CRB1: variants seen among roughly 807,000 people sequenced by gnomAD.
CRB1 encodes the protein crumbs cell polarity complex component 1.
Under a neutral mutation model 120.0 loss-of-function variants are expected in CRB1, and 83 were observed. That is an observed-to-expected ratio of 0.69 (90% confidence interval 0.58 to 0.83). CRB1 has a LOEUF of 0.83. Ranked by LOEUF, CRB1 falls within the 40% of genes least tolerant of loss-of-function variation. The pLI, the probability that CRB1 is intolerant of heterozygous loss-of-function variation, is 0.00. For synonymous variants in CRB1, 625 were observed against 612.5 expected (o/e 1.02, Z -0.30); for missense variants, 1,699 against 1,687.6 (o/e 1.01, Z -0.12).
At chr1:197,355,851 G>A (rs1386330848) in intron 4 of CRB1, among the ~76,000 whole-genome samples, 4 of 152,234 alleles carry the variant, frequency 2.6e-5, no homozygotes, top group African/African-American at 7.2e-5. Flanking sequence ...ACAATGCAAC[G>A]GTGGGCTGAA....
At chr1:197,237,290 G>T in the CRB1 span, among the ~76,000 whole-genome samples, 2 of 152,122 alleles carry the variant, frequency 1.3e-5, no homozygotes, top group Non-Finnish European at 2.9e-5. Context: ...ATAAACAATA[G>T]AAATTTATTT....
At chr1:197,374,109 T>G (rs1439207477) in intron 5 of CRB1, among the ~76,000 whole-genome samples, 1 of 152,140 alleles carries the variant, frequency 6.6e-6, no homozygotes, top group Non-Finnish European at 1.5e-5. Flanking sequence ...TAGAAACATA[T>G]AGTCCTTTGC....
intron 3 of CRB1, 36 bp downstream of exon 3, chr1:197,344,512 A>C: frequency 6.3e-7 from 1 of 1,583,322 alleles, no homozygotes. Flanking sequence ...TTGGCTTAGA[A>C]CTCCCTGACC....
At chr1:197,211,336 A>G in the CRB1 span, among the ~76,000 whole-genome samples, 1 of 152,228 alleles carries the variant, frequency 6.6e-6, no homozygotes, top group African/African-American at 2.4e-5. Context: ...ATAATTGAAG[A>G]AATGTGCTTC....
intron 10 of CRB1, chr1:197,440,436 C>T (rs1665377380): frequency 6.6e-6 from 1 of 152,152 alleles, no homozygotes; most frequent in Admixed American, 6.6e-5. Context: ...TTACATGATG[C>T]TAGATATTTC....
intron 11 of CRB1, among the ~76,000 whole-genome samples, chr1:197,459,521 C>A (rs1162110819): frequency 2.0e-5 from 3 of 152,052 alleles, no homozygotes; most frequent in Non-Finnish European, 4.4e-5. Context: ...CCTCACATGA[C>A]AAAGGAACAA....
intron 5 of CRB1, among the ~76,000 whole-genome samples, chr1:197,365,502 G>A (rs147650539): frequency 3.9e-5 from 6 of 152,004 alleles, no homozygotes; most frequent in African/African-American, 7.3e-5. Context: ...CTCTGGGGAG[G>A]GGGGGAGAAG....
chr1:197,236,631 TAA>T, the CRB1 span, among the ~76,000 whole-genome samples: 1 of 152,210 alleles, frequency 6.6e-6, no homozygotes, highest in Non-Finnish European at 1.5e-5. Flanking sequence ...CTTTCACCAT[TAA>T]AAATAATGCT....
At chr1:197,401,045 G>T (rs973787164) in intron 5 of CRB1, among the ~76,000 whole-genome samples, 1 of 151,636 alleles carries the variant, frequency 6.6e-6, no homozygotes, top group Non-Finnish European at 1.5e-5. Flanking sequence ...CGAATAAATT[G>T]CTACCTCACA....
chr1:197,385,609 A>G (rs1243897486), intron 5 of CRB1, among the ~76,000 whole-genome samples: 1 of 152,082 alleles, frequency 6.6e-6, no homozygotes, highest in Non-Finnish European at 1.5e-5. Context: ...TTATTGTTAT[A>G]CTATTATATC....
intron 5 of CRB1, among the ~76,000 whole-genome samples, chr1:197,383,384 T>A (rs946764554): frequency 6.6e-6 from 1 of 152,138 alleles, no homozygotes; most frequent in African/African-American, 2.4e-5. Flanking sequence ...CGCTCTCCAT[T>A]CTCTGCCTCT....
intron 7 of CRB1, among the ~76,000 whole-genome samples, 187 bp downstream of exon 7, chr1:197,428,188 C>T (rs191814207): frequency 6.6e-6 from 1 of 152,226 alleles, no homozygotes; most frequent in East Asian, 1.9e-4. Flanking sequence ...AGAAATGAGG[C>T]CTTGATCTTA....
chr1:197,320,684 T>C (rs967988181), intron 1 of CRB1, among the ~76,000 whole-genome samples: 3 of 152,194 alleles, frequency 2.0e-5, no homozygotes, highest in African/African-American at 7.2e-5. Flanking sequence ...TTGACTTTAA[T>C]AGTGAGTTAT....
At chr1:197,205,552 A>G in the CRB1 span, among the ~76,000 whole-genome samples, 2 of 152,172 alleles carry the variant, frequency 1.3e-5, no homozygotes, top group African/African-American at 4.8e-5. Context: ...TATCACATTT[A>G]TTGACTTGCG....
chr1:197,452,174 AC>A (rs976906853), intron 11 of CRB1, among the ~76,000 whole-genome samples: 1 of 152,174 alleles, frequency 6.6e-6, no homozygotes, highest in Non-Finnish European at 1.5e-5. Context: ...CGGTCTGTCA[AC>A]CCACAGTTCA....
At chr1:197,237,196 T>G in the CRB1 span, among the ~76,000 whole-genome samples, 1 of 152,162 alleles carries the variant, frequency 6.6e-6, no homozygotes, top group Non-Finnish European at 1.5e-5. Flanking sequence ...TGATTACTAA[T>G]TATTGATTCA....
the CRB1 span, among the ~76,000 whole-genome samples, chr1:197,228,198 C>T: frequency 6.6e-6 from 1 of 152,176 alleles, no homozygotes; most frequent in African/African-American, 2.4e-5. Flanking sequence ...CTCCTTGTTA[C>T]TTATGCAAAT....
At chr1:197,463,050 T>C (rs1043406092) in intron 11 of CRB1, among the ~76,000 whole-genome samples, 2 of 152,200 alleles carry the variant, frequency 1.3e-5, no homozygotes, top group Admixed American at 1.3e-4. Context: ...GATGATATTG[T>C]GTTGAAACTG....
intron 5 of CRB1, among the ~76,000 whole-genome samples, chr1:197,369,839 C>T (rs1661278078): frequency 6.6e-6 from 1 of 152,068 alleles, no homozygotes; most frequent in Admixed American, 6.6e-5. Flanking sequence ...CTAAATGTTT[C>T]CTTCACCTGC....
Sources: gnomAD v4.1 joint callset for allele counts (sites outside exome capture counted in the v4.1 genomes callset) on GRCh38, gnomAD v4.1.1 for gene constraint, MANE v1.5 for transcripts, NCBI Gene and HGNC (gene_info 2026-07-23, HGNC 2026-07-21) for gene names.